Variants in NHSL2 observed in about 807,000 individuals in gnomAD.
NHSL2 encodes the protein NHS like 2.
NHSL2 carries 27 observed loss-of-function variants against 53.4 expected under a neutral mutation model. That is an observed-to-expected ratio of 0.51 (90% CI 0.37 to 0.70). The LOEUF (loss-of-function observed/expected upper bound fraction) is 0.70, where lower values mean the gene tolerates loss of function less well. NHSL2 is among the 30% of genes least tolerant of loss of function. The pLI is 0.00. For synonymous variants in NHSL2, 408 were observed against 404.1 expected (o/e 1.01, Z -0.12); for missense variants, 892 against 980.1 (o/e 0.91, Z 1.20).
At chrX:71,972,811 TTTG>T (rs1301684274) in intron 1 of NHSL2, among the ~76,000 whole-genome samples, 5 of 110,946 alleles carry the variant, frequency 4.5e-5, no homozygotes, top group East Asian at 5.6e-4. Context: ...CTCTGTTCAT[TTTG>T]TTGTTGTTGT....
chrX:72,070,127 G>T (rs2042458488), intron 1 of NHSL2, among the ~76,000 whole-genome samples: 1 of 111,390 alleles, frequency 9.0e-6, no homozygotes, highest in Admixed American at 9.4e-5. Flanking sequence ...TTTACTAGCC[G>T]AGCCTCCTTT....
At chrX:71,911,519 A>G (rs1319164908) in intron 1 of NHSL2, among the ~76,000 whole-genome samples, 152 bp downstream of exon 1, 1 of 105,201 alleles carries the variant, frequency 9.5e-6, no homozygotes, top group Non-Finnish European at 2.0e-5. Context: ...CATTTCCCCG[A>G]CCCCCGCCTC....
chrX:72,087,491 A>G (rs1297878504), intron 1 of NHSL2, among the ~76,000 whole-genome samples: 1 of 112,906 alleles, frequency 8.9e-6, no homozygotes, highest in Non-Finnish European at 1.9e-5. Flanking sequence ...TACACTTAAA[A>G]GGGCAAATTG....
chrX:72,004,957 G>A (rs991752886), intron 1 of NHSL2, among the ~76,000 whole-genome samples: 19 of 111,451 alleles, frequency 1.7e-4, no homozygotes, highest in African/African-American at 6.2e-4. Context: ...TGGAAGGCGA[G>A]GCATTCTGGA....
rs758547676 is a variant in NHSL2, at chrX:72,151,519, G to A, written c.*7945G>A. 1 of 111,777 alleles carries A rather than the reference G, an allele frequency of 8.9e-6. No individual in the cohort carries two copies. Among genetic ancestry groups the A allele is most frequent in the African/African-American group, 3.2e-5 (1 of 30,787 alleles). The allele number at this position is 111,777 out of a possible 1,213,427, so 9.2% of individuals were successfully genotyped here. A position where few individuals can be genotyped will look rare whatever the true frequency, so the allele number is the denominator to read the frequency against. Reference sequence around the variant, plus strand: ...ACTGCACAGGAGCAGGTGGAGGGGGGCTGCATATGCCAACCATTACTCTTC... The same window carrying A: ...ACTGCACAGGAGCAGGTGGAGGGGGACTGCATATGCCAACCATTACTCTTC... On this transcript the variant is annotated 3_prime_UTR_variant, in exon 8 of 8. Coordinates refer to ENST00000633930, the MANE Select transcript of NHSL2 (RefSeq NM_001013627.3).
At chrX:72,095,442 G>A (rs2041936329) in intron 1 of NHSL2, among the ~76,000 whole-genome samples, 1 of 112,227 alleles carries the variant, frequency 8.9e-6, no homozygotes, top group Non-Finnish European at 1.9e-5. Flanking sequence ...TTCCAGAAAA[G>A]TCCCAGTTTC....
At position 72,144,769 on chromosome X, in the gene NHSL2, A is replaced by G. The variant is rs767938025; in HGVS notation, c.*1195A>G. 4.8e-6 allele frequency: 1 copy of G among 208,422 alleles called. No individual in the cohort carries two copies. The highest frequency in any genetic ancestry group is 6.5e-5 in the Admixed American group (1 of 15,483). 17.2% of individuals were successfully genotyped at this position (208,422 alleles called of 1,213,427 possible). The stretch of plus-strand genomic sequence containing the variant: ...ACAAAAGGGCTACTTTTTGCCATTT[A>G]GGTTCTGTGTTTGACCAGCTTTCAA... On this transcript the variant is annotated 3_prime_UTR_variant, in exon 8 of 8. Transcript: ENST00000633930.
chrX:72,025,077 T>A (rs993815738), intron 1 of NHSL2, among the ~76,000 whole-genome samples: 7 of 111,984 alleles, frequency 6.3e-5, no homozygotes, highest in African/African-American at 2.3e-4. Flanking sequence ...GTGTGATAAA[T>A]GATCATAATG....
intron 1 of NHSL2, among the ~76,000 whole-genome samples, chrX:72,073,752 C>T (rs936737942): frequency 8.9e-6 from 1 of 112,241 alleles, no homozygotes; most frequent in Non-Finnish European, 1.9e-5. Context: ...GCCTAATTCT[C>T]AAGCCTGTGC....
chrX:72,070,532 A>G (rs1022300815), intron 1 of NHSL2, among the ~76,000 whole-genome samples: 1 of 111,598 alleles, frequency 9.0e-6, no homozygotes, highest in African/African-American at 3.3e-5. Flanking sequence ...GCGGTGCAAG[A>G]ACAATTTGGA....
intron 1 of NHSL2, among the ~76,000 whole-genome samples, chrX:71,934,033 C>T (rs895206707): frequency 9.1e-6 from 1 of 110,164 alleles, no homozygotes; most frequent in African/African-American, 3.3e-5. Flanking sequence ...TTCCTCCTCC[C>T]TTCCTTTCCT....
intron 1 of NHSL2, among the ~76,000 whole-genome samples, chrX:72,012,888 T>C (rs1465700274): frequency 3.6e-5 from 4 of 112,556 alleles, no homozygotes; most frequent in Non-Finnish European, 5.6e-5. Context: ...TCTGTTTCAT[T>C]GATCTGTGTG....
At position 72,049,511 on chromosome X, in the gene NHSL2, A is replaced by G. The variant is rs181509151; in HGVS notation, c.281-82568A>G. 2.5e-3 allele frequency among the ~76,000 whole-genome samples: 274 copies of G among 109,677 alleles called. 1 individual carries two copies. Among genetic ancestry groups the G allele is most frequent in the African/African-American group, 8.4e-3 (254 of 30,087 alleles). On this transcript the variant is annotated intron_variant, in intron 1 of 7. Transcript: ENST00000633930. ...CCCGGAGTGGGTGAGACTCCCCCCA[A>G]TTCCCTTCTTTATTCTCTCTGGTGT...
chrX:72,037,890 C>T (rs1201988273), intron 1 of NHSL2, among the ~76,000 whole-genome samples: 3 of 112,237 alleles, frequency 2.7e-5, no homozygotes, highest in Non-Finnish European at 5.6e-5. Context: ...AGAAAGGCCA[C>T]CTTCTGTCAC....
At chrX:72,018,922 A>G (rs951750301) in intron 1 of NHSL2, among the ~76,000 whole-genome samples, 1 of 113,045 alleles carries the variant, frequency 8.8e-6, no homozygotes, top group African/African-American at 3.2e-5. Context: ...TTTTTGATCC[A>G]GAAACGAAAT....
chrX:71,961,316 G>A (rs1449089767), intron 1 of NHSL2, among the ~76,000 whole-genome samples: 4 of 110,703 alleles, frequency 3.6e-5, no homozygotes, highest in African/African-American at 1.3e-4. Flanking sequence ...TATGTGAATA[G>A]AGATAGTTTT....
chrX:71,969,070 TG>T (rs1363963097), intron 1 of NHSL2, among the ~76,000 whole-genome samples: 1 of 111,766 alleles, frequency 8.9e-6, no homozygotes, highest in Non-Finnish European at 1.9e-5. Context: ...AAAAGATAGC[TG>T]GGATTTTCAC....
chrX:71,984,865 C>A (rs2041996310), intron 1 of NHSL2, among the ~76,000 whole-genome samples: 1 of 105,773 alleles, frequency 9.5e-6, no homozygotes, highest in Non-Finnish European at 1.9e-5. Context: ...GCTCTGTCGC[C>A]CAGGCTGGAG....
chrX:72,118,269 T>C (rs1302621162), intron 1 of NHSL2, among the ~76,000 whole-genome samples: 1 of 112,153 alleles, frequency 8.9e-6, no homozygotes, highest in Non-Finnish European at 1.9e-5. Context: ...TTGTATATAG[T>C]ACTATCTTTT....
Sources: allele counts gnomAD v4.1 joint callset (sites outside exome capture counted in the v4.1 genomes callset), GRCh38; gene constraint gnomAD v4.1.1; transcripts MANE v1.5; gene names NCBI Gene and HGNC (gene_info 2026-07-23, HGNC 2026-07-21).